CASTOR2: variants seen among roughly 807,000 people sequenced by gnomAD.
CASTOR2 encodes GATS protein like 2.
A neutral mutation model predicts 31.2 loss-of-function variants in CASTOR2; 8 were observed. That is an observed-to-expected ratio of 0.26 (90% confidence interval 0.15 to 0.46). The LOEUF is 0.46. Ranked by LOEUF, CASTOR2 falls within the 20% of genes least tolerant of loss-of-function variation. The pLI is 0.99. For missense variants in CASTOR2, 216 were observed against 382.1 expected (o/e 0.57, Z 3.62); for synonymous variants, 162 against 158.7 (o/e 1.02, Z -0.16).
chr7:75,020,371 C>T (rs2131956084), intron 6 of CASTOR2, among the ~76,000 whole-genome samples: 1 of 150,942 alleles, frequency 6.6e-6, no homozygotes, highest in Admixed American at 6.6e-5. Flanking sequence ...GCTGGGACTA[C>T]AGGCATGTGC....
chr7:75,021,749 G>C (rs886174442), intron 6 of CASTOR2, 125 bp from the exon 7 acceptor site: 1 of 1,151,466 alleles, frequency 8.7e-7, no homozygotes, highest in Non-Finnish European at 1.3e-6. Flanking sequence ...TTTTTGGGGG[G>C]CCCTGAGGTC....
intron 5 of CASTOR2, 78 bp downstream of exon 5, chr7:75,019,173 C>G (rs1486046565): frequency 6.5e-7 from 1 of 1,549,056 alleles, no homozygotes; most frequent in African/African-American, 1.4e-5. Flanking sequence ...CTTAGTCTGA[C>G]GGGGGAGGCT....
At chr7:74,965,882 ACTCTCTCTCTCTCT>A (rs1162058092) in intron 1 of CASTOR2, among the ~76,000 whole-genome samples, 1 of 19,084 alleles carries the variant, frequency 5.2e-5, no homozygotes. Flanking sequence ...ACACACACAC[ACTCTCTCTCTCTCT>A]CTCTCTCTCT....
At chr7:74,985,426 A>T (rs1455271839) in intron 1 of CASTOR2, among the ~76,000 whole-genome samples, 1 of 151,844 alleles carries the variant, frequency 6.6e-6, no homozygotes, top group Non-Finnish European at 1.5e-5. Context: ...ACAAAAAAAT[A>T]TACAAGTAGC....
At chr7:75,022,212 G>C (rs1304338480) in intron 7 of CASTOR2, among the ~76,000 whole-genome samples, 1 of 152,114 alleles carries the variant, frequency 6.6e-6, no homozygotes, top group Non-Finnish European at 1.5e-5. Flanking sequence ...CTTATTATTA[G>C]AAAATTAAGC....
chr7:75,029,753 T>C lies in CASTOR2; in HGVS notation c.*5054T>C, dbSNP rs1371091815. ...AGCAGGGCCTGGAGCATTGGAGACA[T>C]TGGTTAGTGTAATAGGCAGAGCCTG... On this transcript the variant is annotated 3_prime_UTR_variant, in exon 9 of 9. Coordinates refer to ENST00000616305, the MANE Select transcript of CASTOR2 (RefSeq NM_001145064.3). Among the ~76,000 whole-genome samples, 1 of 151,954 alleles carries C rather than the reference T, an allele frequency of 6.6e-6. No homozygotes were observed. The highest frequency in any genetic ancestry group is 1.5e-5 in the Non-Finnish European group (1 of 67,992).
At chr7:75,013,251 G>A (rs1169105721) in intron 2 of CASTOR2, among the ~76,000 whole-genome samples, 1 of 152,244 alleles carries the variant, frequency 6.6e-6, no homozygotes, top group African/African-American at 2.4e-5. Context: ...GCTAGCAGCT[G>A]GCCATGGTTC....
chr7:75,010,007 A>G (rs1222986354), intron 2 of CASTOR2, among the ~76,000 whole-genome samples: 5 of 151,236 alleles, frequency 3.3e-5, no homozygotes, highest in African/African-American at 7.3e-5. Context: ...GGCTCAAGCA[A>G]TCCTCCCACC....
chr7:74,992,118 A>C (rs1243872219), intron 1 of CASTOR2, among the ~76,000 whole-genome samples: 2 of 152,008 alleles, frequency 1.3e-5, no homozygotes, highest in Admixed American at 6.6e-5. Flanking sequence ...CACAGCAGGT[A>C]GACACCAGGA....
chr7:75,023,185 G>T (rs1805045991), intron 7 of CASTOR2, among the ~76,000 whole-genome samples: 2 of 152,256 alleles, frequency 1.3e-5, no homozygotes, highest in East Asian at 3.9e-4. Flanking sequence ...GCAGGCGCCT[G>T]TAGTCCCAGC....
chr7:75,024,850 C>G lies in CASTOR2; in HGVS notation c.*151C>G. The G allele has an allele frequency of 6.5e-7, 1 of 1,539,592 alleles. No homozygotes were observed. Among genetic ancestry groups the G allele is most frequent in the Non-Finnish European group, 8.8e-7 (1 of 1,140,142 alleles). ...GAGACTCCCTCGATTGCCAATCCCT[C>G]CAGGGCAGGGGCCCACGCCAAGGCC... On this transcript the variant is annotated 3_prime_UTR_variant, in exon 9 of 9. Transcript: ENST00000616305.
intron 1 of CASTOR2, among the ~76,000 whole-genome samples, chr7:74,967,638 G>T (rs1386243677): frequency 5.1e-5 from 4 of 78,056 alleles, no homozygotes; most frequent in Non-Finnish European, 7.8e-5. Context: ...CACCTCCTGG[G>T]TTCAAGTGAT....
intron 1 of CASTOR2, among the ~76,000 whole-genome samples, chr7:74,985,914 C>T (rs1392657060): frequency 6.6e-6 from 1 of 151,966 alleles, no homozygotes; most frequent in Non-Finnish European, 1.5e-5. Context: ...CACTGAGACA[C>T]GGATTCCACC....
rs1453767435 is a variant in CASTOR2 at position 75,029,684 on chromosome 7, C to T, written c.*4985C>T. Among the ~76,000 whole-genome samples, 1 of 152,094 alleles carries T rather than the reference C, an allele frequency of 6.6e-6. No individual in the cohort carries two copies. The highest frequency in any genetic ancestry group is 1.5e-5 in the Non-Finnish European group (1 of 68,006). On this transcript the variant is annotated 3_prime_UTR_variant, in exon 9 of 9. Coordinates refer to ENST00000616305, the MANE Select transcript of CASTOR2 (RefSeq NM_001145064.3). ...GCCACTTCCTGAGTGAAGCGCTTTG[C>T]ATGGGGATGGGAAGAAGCACCCCCA... is the stretch of plus-strand genomic sequence containing the variant.
intron 1 of CASTOR2, among the ~76,000 whole-genome samples, chr7:74,987,601 C>G (rs1357771971): frequency 7.2e-5 from 11 of 152,342 alleles, no homozygotes; most frequent in Non-Finnish European, 1.0e-4. Context: ...GGCCATGCCT[C>G]TGGTCTCCCG....
rs587741823 is a variant in CASTOR2 at position 74,970,026 on chromosome 7, T to G, written c.113+4928T>G. 4.7e-5 allele frequency among the ~76,000 whole-genome samples: 7 copies of G among 150,030 alleles called. 1 individual carries two copies. In the South Asian group the frequency reaches 1.5e-3, roughly 32 times the overall value. On this transcript the variant is annotated intron_variant, in intron 1 of 8. Transcript: ENST00000616305. Reference sequence around the variant, plus strand: ...AGCTGGAAAGAAACAGAATTGGGATTTGAACCAGGTCCCGTCTCCGCTGCG... The same window carrying G: ...AGCTGGAAAGAAACAGAATTGGGATGTGAACCAGGTCCCGTCTCCGCTGCG...
chr7:75,019,430 C>T (rs1457657998), intron 5 of CASTOR2, among the ~76,000 whole-genome samples: 1 of 151,922 alleles, frequency 6.6e-6, no homozygotes, highest in African/African-American at 2.4e-5. Context: ...GTAGGAGACA[C>T]AGACCCACCC....
At chr7:74,996,568 G>C (rs1804351849) in intron 1 of CASTOR2, among the ~76,000 whole-genome samples, 1 of 151,580 alleles carries the variant, frequency 6.6e-6, no homozygotes, top group Non-Finnish European at 1.5e-5. Flanking sequence ...CTCGGTGTGC[G>C]TTCTCAGCTC....
At chr7:75,024,392 A>AT in intron 7 of CASTOR2, 48 bp from the exon 8 acceptor site, 1 of 1,543,556 alleles carries the variant, frequency 6.5e-7, no homozygotes, top group Non-Finnish European at 8.8e-7. Flanking sequence ...CACACAGGCA[A>AT]GGGTAGCCAG....
Sources: gnomAD v4.1 joint callset for allele counts (sites outside exome capture counted in the v4.1 genomes callset) on GRCh38, gnomAD v4.1.1 for gene constraint, MANE v1.5 for transcripts, NCBI Gene and HGNC (gene_info 2026-07-23, HGNC 2026-07-21) for gene names.